The following ZNF285 variants were observed in gnomAD, a reference collection of about 807,000 sequenced individuals.
ZNF285 encodes zinc finger protein 285A.
Under a neutral mutation model 6.2 loss-of-function variants are expected in ZNF285, and 4 were observed. The observed-to-expected ratio is 0.65, with a 90% CI of 0.32 to 1.49. The LOEUF (loss-of-function observed/expected upper bound fraction) is 1.49. ZNF285 is among the 40% of genes most tolerant of loss of function. The pLI is 0.07. For synonymous variants in ZNF285, 240 were observed against 245.8 expected (o/e 0.98, Z 0.22); for missense variants, 695 against 708.8 (o/e 0.98, Z 0.22).
intron 2 of ZNF285, among the ~76,000 whole-genome samples, chr19:44,395,031 C>G (rs1971257069): frequency 6.6e-6 from 1 of 152,134 alleles, no homozygotes; most frequent in South Asian, 2.1e-4. Context: ...TTCTCTGCCT[C>G]AGCTATAGAG....
At chr19:44,395,292 T>C (rs899094328) in intron 2 of ZNF285, among the ~76,000 whole-genome samples, 3 of 152,208 alleles carry the variant, frequency 2.0e-5, no homozygotes, top group African/African-American at 4.8e-5. Context: ...CAAGAAATAC[T>C]GTGGATAGAG....
At chr19:44,388,594 A>G (rs1305526078) in intron 3 of ZNF285, among the ~76,000 whole-genome samples, 5 of 152,140 alleles carry the variant, frequency 3.3e-5, no homozygotes, top group African/African-American at 9.7e-5. Context: ...AAAAGGAATA[A>G]AAGGAAATCT....
intron 3 of ZNF285, among the ~76,000 whole-genome samples, chr19:44,391,991 C>A (rs1599960906): frequency 1.3e-5 from 2 of 152,012 alleles, no homozygotes; most frequent in African/African-American, 4.8e-5. Context: ...CAGAAGCAAC[C>A]AATAGATCAA....
chr19:44,387,345 GCT>G lies in ZNF285; in HGVS notation c.898_899del (p.Ser300LeufsTer19). 6.2e-7 allele frequency: 1 copy of G among 1,614,194 alleles called. No individual in the cohort carries two copies. Among genetic ancestry groups the G allele is most frequent in the South Asian group, 1.1e-5 (1 of 91,080 alleles). ...CTTTCTGATATCTGGGAAGGTCTGA[GCT>G]CTGTTTGCAGCCCATAGGCCATTCG... ...FHEWPMGCKQ[S>X]SDLPRYQKVS... On this transcript the variant is annotated frameshift_variant, in exon 4 of 4. Transcript: ENST00000614994. LOFTEE classifies it low-confidence loss of function (END_TRUNC).
At position 44,383,740 on chromosome 19, in the gene ZNF285, A is replaced by G. The variant is rs188476914; in HGVS notation, c.*2732T>C. On this transcript the variant is annotated 3_prime_UTR_variant, in exon 4 of 4. Coordinates refer to ENST00000614994, the MANE Select transcript of ZNF285 (RefSeq NM_152354.6). ...GAGTCTGTTACGCTTTTATCAAATC[A>G]TTGGATTTGACATGCTCATATTTAT... 3.4e-4 allele frequency: 52 copies of G among 152,308 alleles called. No individual in the cohort carries two copies. Among genetic ancestry groups the G allele is most frequent in the African/African-American group, 1.1e-3 (47 of 41,554 alleles). The allele number at this position is 152,308 out of a possible 1,614,324, so 9.4% of individuals were successfully genotyped here. A position where few individuals can be genotyped will look rare whatever the true frequency, so the allele number is the denominator to read the frequency against.
rs766848528 is a variant in ZNF285, at chr19:44,386,849, CA to C, written c.1395del (p.Phe465LeufsTer99). On this transcript the variant is annotated frameshift_variant, in exon 4 of 4. Transcript: ENST00000614994. LOFTEE classifies it low-confidence loss of function (END_TRUNC). ...PYKCNVCGKD[F>X]AYSSVLHTHQ... ...TGAGTGTGAAGAACAGAGCTATACG[CA>C]AAATCCTTTCCACACACATTGCATT... 6.2e-7 allele frequency: 1 copy of C among 1,614,098 alleles called. No homozygotes were observed. The highest frequency in any genetic ancestry group is 1.3e-5 in the African/African-American group (1 of 74,918).
intron 3 of ZNF285, among the ~76,000 whole-genome samples, chr19:44,391,457 T>C (rs1343870244): frequency 1.3e-5 from 2 of 152,100 alleles, no homozygotes; most frequent in African/African-American, 4.8e-5. Flanking sequence ...AGAGGTTTAA[T>C]TGACTCATAG....
chr19:44,394,309 T>A (rs903948901), intron 2 of ZNF285, among the ~76,000 whole-genome samples: 30 of 152,006 alleles, frequency 2.0e-4, no homozygotes, highest in African/African-American at 7.0e-4. Flanking sequence ...ATACCTAATG[T>A]TAAATGATGA....
chr19:44,387,522 A>G lies in ZNF285; in HGVS notation c.723T>C (p.Phe241=). The G allele has an allele frequency of 6.2e-7, 1 of 1,613,984 alleles. No individual in the cohort carries two copies. The highest frequency in any genetic ancestry group is 8.5e-7 in the Non-Finnish European group (1 of 1,179,860). ...PFPCNNCGVA[F]ADDTDPHVHH... ...GGACATGAGGATCTGTATCATCTGC[A>G]AAGGCCACCCCACAGTTATTACATG... Residue 241 remains phenylalanine (F), a synonymous_variant, in exon 4 of 4, where the codon TTT becomes TTC. Transcript: ENST00000614994.
At chr19:44,392,215 C>T (rs1971207651) in intron 3 of ZNF285, 125 bp downstream of exon 3, 2 of 1,533,852 alleles carry the variant, frequency 1.3e-6, no homozygotes, top group African/African-American at 2.8e-5. Flanking sequence ...CCTGCACATG[C>T]ATCTCTTAGG....
chr19:44,398,947 T>TA (rs1971329635), intron 1 of ZNF285, among the ~76,000 whole-genome samples: 1 of 152,108 alleles, frequency 6.6e-6, no homozygotes, highest in African/African-American at 2.4e-5. Context: ...CACAGACTGA[T>TA]ATTCTGGTAA....
At chr19:44,390,497 T>C (rs1396403043) in intron 3 of ZNF285, among the ~76,000 whole-genome samples, 3 of 152,182 alleles carry the variant, frequency 2.0e-5, no homozygotes, top group African/African-American at 7.2e-5. Flanking sequence ...CTGCACTGTA[T>C]CTAGGAAGTA....
chr19:44,395,659 G>A (rs1300666485), intron 2 of ZNF285, among the ~76,000 whole-genome samples: 1 of 152,088 alleles, frequency 6.6e-6, no homozygotes, highest in Non-Finnish European at 1.5e-5. Flanking sequence ...AAGTTAGACT[G>A]CTGTTTAGAA....
At chr19:44,401,127 C>T (rs1971368993) in intron 1 of ZNF285, among the ~76,000 whole-genome samples, 1 of 152,080 alleles carries the variant, frequency 6.6e-6, no homozygotes, top group Admixed American at 6.5e-5. Flanking sequence ...AAGCCATCCT[C>T]TATATCCAGA....
Position 44,383,968 on chromosome 19 carries a change from T to C in ZNF285, c.*2504A>G, listed in dbSNP as rs543249087. On this transcript the variant is annotated 3_prime_UTR_variant, in exon 4 of 4. Coordinates refer to ENST00000614994, the MANE Select transcript of ZNF285 (RefSeq NM_152354.6). ...GCTGCTCCCGGCCAAACTAGAGGAT[T>C]GCCTGGGACACCTCCACCAACACTG... 3 of 152,202 alleles carry C rather than the reference T, an allele frequency of 2.0e-5. No individual in the cohort carries two copies. The highest frequency in any genetic ancestry group is 4.4e-5 in the Non-Finnish European group (3 of 68,034). The allele number at this position is 152,202 out of a possible 1,614,324, so 9.4% of individuals were successfully genotyped here. A position where few individuals can be genotyped will look rare whatever the true frequency, so the allele number is the denominator to read the frequency against.
chr19:44,384,598 T>C lies in ZNF285; in HGVS notation c.*1874A>G, dbSNP rs1010066558. The C allele has an allele frequency of 3.3e-5, 5 of 151,966 alleles. No individual in the cohort carries two copies. The highest frequency in any genetic ancestry group is 5.9e-5 in the Non-Finnish European group (4 of 67,994). 9.4% of individuals were successfully genotyped at this position (151,966 alleles called of 1,614,324 possible). A position where few individuals can be genotyped will look rare whatever the true frequency, so the allele number is the denominator to read the frequency against. ...TTACAAACTATAACTAGCAGGAAAC[T>C]GTAATGCAAGAAAAACTAGGAATAA... On this transcript the variant is annotated 3_prime_UTR_variant, in exon 4 of 4. Transcript: ENST00000614994.
chr19:44,393,715 A>G (rs1173731697), intron 2 of ZNF285, among the ~76,000 whole-genome samples: 1 of 152,134 alleles, frequency 6.6e-6, no homozygotes, highest in Non-Finnish European at 1.5e-5. Context: ...ATGAGATACC[A>G]TCTCACACCA....
rs1353107876 is a variant in ZNF285 at position 44,385,301 on chromosome 19, T to A, written c.*1171A>T. The A allele has an allele frequency of 6.6e-6, 1 of 152,202 alleles. No homozygotes were observed. The highest frequency in any genetic ancestry group is 1.5e-5 in the Non-Finnish European group (1 of 68,046). The allele number at this position is 152,202 out of a possible 1,614,324, so 9.4% of individuals were successfully genotyped here. On this transcript the variant is annotated 3_prime_UTR_variant, in exon 4 of 4. Coordinates refer to ENST00000614994, the MANE Select transcript of ZNF285 (RefSeq NM_152354.6). ...TTTAAGGTGTGAGCTGACAAACCTA[T>A]TCAGCATCCCACATTATAGAGTTTC... is the stretch of plus-strand genomic sequence containing the variant.
In ZNF285 at chr19:44,382,936, T is replaced by C. The variant is rs1204168705; in HGVS notation, c.*3536A>G. 1.3e-5 allele frequency: 2 copies of C among 151,882 alleles called. No individual in the cohort carries two copies. Among genetic ancestry groups the C allele is most frequent in the African/African-American group, 4.8e-5 (2 of 41,326 alleles). 9.4% of individuals were successfully genotyped at this position (151,882 alleles called of 1,614,324 possible). ...CCCTTCCCACTGAAGAATGTGGGAG[T>C]CTGAGGCCCCAGATAGCTCCTCACC... On this transcript the variant is annotated 3_prime_UTR_variant, in exon 4 of 4. Transcript: ENST00000614994.
Sources: allele counts gnomAD v4.1 joint callset (sites outside exome capture counted in the v4.1 genomes callset), GRCh38; gene constraint gnomAD v4.1.1; transcripts MANE v1.5; gene names NCBI Gene and HGNC (gene_info 2026-07-23, HGNC 2026-07-21).